The following EAPP variants were observed in gnomAD, a reference collection of about 807,000 sequenced individuals.
The protein encoded by EAPP is E2F associated phosphoprotein.
EAPP carries 38 observed loss-of-function variants against 34.3 expected under a neutral mutation model. That is an observed-to-expected ratio of 1.11 (90% CI 0.85 to 1.45). The LOEUF (loss-of-function observed/expected upper bound fraction) is 1.45, where lower values mean the gene tolerates loss of function less well. EAPP is among the 40% of genes most tolerant of loss of function. The pLI is 0.00. For synonymous variants in EAPP, 113 were observed against 117.6 expected (o/e 0.96, Z 0.25); for missense variants, 338 against 343.7 (o/e 0.98, Z 0.13).
rs33982261 is a variant in EAPP, at chr14:34,528,045, A to ATT, written c.470+1311_470+1312dup. Among the ~76,000 whole-genome samples, 1,130 of 142,398 alleles carry ATT rather than the reference A, an allele frequency of 7.9e-3. 37 individuals are homozygous for ATT. The East Asian group carries it at 0.094, about 12-fold the overall frequency. 93.4% of individuals were successfully genotyped at this position (142,398 alleles called of 152,430 possible). ...GTGTACCTAGAGTAGCCTCATCTCA[A>ATT]TTTTTTTTTTTTTTTTGAGACAGTC... is the stretch of plus-strand genomic sequence containing the variant. On this transcript the variant is annotated intron_variant, in intron 4 of 5. Coordinates refer to ENST00000250454, the MANE Select transcript of EAPP (RefSeq NM_018453.4).
In EAPP at chr14:34,516,464, A is replaced by T. The variant is rs1441962688; in HGVS notation, c.704T>A (p.Met235Lys). 6.2e-7 allele frequency: 1 copy of T among 1,614,150 alleles called. No individual in the cohort carries two copies. The highest frequency in any genetic ancestry group is 1.1e-5 in the South Asian group (1 of 91,084). ...NRKKRRVHKK[M>K]RSNREDAAEK... ...GGCAGCATCTTCCCGGTTAGACCTC[A>T]TCTTCTTATGGACCCGCCTTTTCTT... Residue 235 changes from methionine (M) to lysine (K), a missense_variant, in exon 6 of 6, where the codon ATG becomes AAG. Met to Lys is a moderately conservative substitution (Grantham distance 95). Coordinates refer to ENST00000250454, the MANE Select transcript of EAPP (RefSeq NM_018453.4).
At chr14:34,531,303 T>TA (rs1336604346) in intron 3 of EAPP, among the ~76,000 whole-genome samples, 2 of 151,084 alleles carry the variant, frequency 1.3e-5, no homozygotes, top group Non-Finnish European at 1.5e-5. Context: ...GGACTCTGCC[T>TA]AAAAAATAAA....
intron 3 of EAPP, among the ~76,000 whole-genome samples, chr14:34,530,026 G>GAAAA (rs60938160): frequency 2.0e-5 from 3 of 150,826 alleles, no homozygotes; most frequent in African/African-American, 7.3e-5. Flanking sequence ...CAAAGAAAAA[G>GAAAA]AAAATAATAA....
chr14:34,529,590 T>TA (rs1880213235), intron 3 of EAPP, 115 bp from the exon 4 acceptor site: 7 of 860,546 alleles, frequency 8.1e-6, no homozygotes, highest in Non-Finnish European at 1.2e-5. Flanking sequence ...CCTAAAAAGT[T>TA]AAAAAAGGGA....
At position 34,536,169 on chromosome 14, in the gene EAPP, A is replaced by T. The variant is rs779772751; in HGVS notation, c.181T>A (p.Phe61Ile). The change falls in exon 2 of 6, where the codon TTT becomes ATT. Residue 61 changes from phenylalanine (F) to isoleucine (I), a missense_variant. Physicochemically the swap from Phe to Ile is conservative, Grantham distance 21. Transcript: ENST00000250454. The part of the protein sequence containing the change: ...GESESSSEDE[F>I]EKEMEAELNS... ...AATTCAGCTTCCATCTCCTTTTCAA[A>T]TTCATCTTCACTAGATGATTCACTT... 5.0e-6 allele frequency: 8 copies of T among 1,613,242 alleles called. No homozygotes were observed. The highest frequency in any genetic ancestry group is 6.8e-6 in the Non-Finnish European group (8 of 1,179,744).
intron 5 of EAPP, among the ~76,000 whole-genome samples, chr14:34,517,758 CCTTTT>C (rs1287301146): frequency 6.6e-6 from 1 of 151,488 alleles, no homozygotes; most frequent in African/African-American, 2.4e-5. Flanking sequence ...TTATTTCTTT[CCTTTT>C]ATTTTATTTA....
intron 1 of EAPP, among the ~76,000 whole-genome samples, chr14:34,538,310 T>TGGA (rs1880543549): frequency 6.6e-6 from 1 of 151,990 alleles, no homozygotes; most frequent in South Asian, 2.1e-4. Flanking sequence ...ACCCAGGAGG[T>TGGA]GGAGGCTACA....
chr14:34,516,647 T>G, intron 5 of EAPP, 61 bp from the exon 6 acceptor site: 1 of 1,503,046 alleles, frequency 6.7e-7, no homozygotes, highest in Non-Finnish European at 8.9e-7. Flanking sequence ...TTTATCCATT[T>G]AGATAAAATT....
At chr14:34,516,612 T>C in intron 5 of EAPP, 26 bp from the exon 6 acceptor site, 1 of 1,587,800 alleles carries the variant, frequency 6.3e-7, no homozygotes, top group Non-Finnish European at 8.6e-7. Context: ...AATGGAGAAT[T>C]GGGGTTTATG....
intron 3 of EAPP, 148 bp downstream of exon 3, chr14:34,533,296 A>T: frequency 1.6e-6 from 1 of 639,690 alleles, no homozygotes; most frequent in Non-Finnish European, 2.7e-6. Context: ...CAGCCTCCCA[A>T]AGTGCTGCCA....
intron 2 of EAPP, among the ~76,000 whole-genome samples, chr14:34,535,490 T>A (rs1880440762): frequency 7.0e-6 from 1 of 143,208 alleles, no homozygotes; most frequent in South Asian, 2.4e-4. Context: ...TGGAGTGCAG[T>A]GGCGTGATCT....
In EAPP at chr14:34,522,384, T is replaced by C. The variant is rs146237139; in HGVS notation, c.581+2313A>G. On this transcript the variant is annotated intron_variant, in intron 5 of 5. Transcript: ENST00000250454. ...TGAATTCTTGGTCAGAGAGTTCACATATCACAGTATTGTGATATGTGATAT... is the reference window on the plus strand; with the variant it reads ...TGAATTCTTGGTCAGAGAGTTCACACATCACAGTATTGTGATATGTGATAT... 1.6e-4 allele frequency among the ~76,000 whole-genome samples: 25 copies of C among 152,322 alleles called. No homozygotes were observed. The East Asian group carries it at 4.8e-3, about 29-fold the overall frequency.
chr14:34,528,398 T>A (rs1406719266), intron 4 of EAPP, among the ~76,000 whole-genome samples: 2 of 139,608 alleles, frequency 1.4e-5, no homozygotes, highest in African/African-American at 5.2e-5. Flanking sequence ...CTAAATCCAC[T>A]CTTCATCCAC....
chr14:34,533,426 G>A lies in EAPP; in HGVS notation c.352+18C>T. 6.4e-7 allele frequency: 1 copy of A among 1,560,758 alleles called. No individual in the cohort carries two copies. The highest frequency in any genetic ancestry group is 1.7e-5 in the Admixed American group (1 of 59,616). On this transcript the variant is annotated intron_variant, in intron 3 of 5. Coordinates refer to ENST00000250454, the MANE Select transcript of EAPP (RefSeq NM_018453.4). Reference sequence around the variant, plus strand: ...TTTATAAAATATAACTGCTAAACCTGGTAAATAGGTTACTTACCTGCTCTG... The same window carrying A: ...TTTATAAAATATAACTGCTAAACCTAGTAAATAGGTTACTTACCTGCTCTG...
chr14:34,523,695 C>T (rs1387258222), intron 5 of EAPP, among the ~76,000 whole-genome samples: 1 of 151,840 alleles, frequency 6.6e-6, no homozygotes, highest in Admixed American at 6.6e-5. Flanking sequence ...CATCACTATA[C>T]TCAGCTAATT....
chr14:34,529,833 T>C (rs1479796081), intron 3 of EAPP, among the ~76,000 whole-genome samples: 1 of 151,908 alleles, frequency 6.6e-6, no homozygotes, highest in Non-Finnish European at 1.5e-5. Context: ...CTGGCCAACA[T>C]GGTGAAACCG....
chr14:34,536,428 G>A, intron 1 of EAPP, 153 bp from the exon 2 acceptor site: 1 of 454,704 alleles, frequency 2.2e-6, no homozygotes, highest in South Asian at 4.6e-5. Flanking sequence ...CACTTAATAA[G>A]CCAGTTCTGC....
chr14:34,526,461 G>A (rs912969620), intron 4 of EAPP, among the ~76,000 whole-genome samples: 6 of 151,332 alleles, frequency 4.0e-5, no homozygotes, highest in Non-Finnish European at 7.4e-5. Context: ...CATAGAGCCA[G>A]GCTGGAATTA....
intron 3 of EAPP, 60 bp downstream of exon 3, chr14:34,533,384 T>C (rs745590407): frequency 5.1e-5 from 69 of 1,343,954 alleles, no homozygotes; most frequent in Non-Finnish European, 7.2e-5. Context: ...CATCTAATAA[T>C]TGTTAGGTAA....
Sources: gnomAD v4.1 joint callset for allele counts (sites outside exome capture counted in the v4.1 genomes callset) on GRCh38, gnomAD v4.1.1 for gene constraint, MANE v1.5 for transcripts, NCBI Gene and HGNC (gene_info 2026-07-23, HGNC 2026-07-21) for gene names.